DUSP11: variants seen among roughly 807,000 people sequenced by gnomAD.
DUSP11 encodes dual specificity phosphatase 11.
Under a neutral mutation model 41.4 loss-of-function variants are expected in DUSP11, and 27 were observed. The ratio of observed to expected loss-of-function variants is 0.65; its 90% CI spans 0.48 to 0.90. The LOEUF is 0.90. Among genes scored for constraint, DUSP11 ranks in the 40% least tolerant of loss-of-function variants. The pLI, the probability that DUSP11 is intolerant of heterozygous loss-of-function variation, is 0.00. For synonymous variants in DUSP11, 188 were observed against 159.3 expected, an observed-to-expected ratio of 1.18 and a Z score of -1.35; for missense variants, 465 against 461.1, an observed-to-expected ratio of 1.01 and a Z score of -0.08.
intron 8 of DUSP11, among the ~76,000 whole-genome samples, chr2:73,764,141 C>T (rs1246856542): frequency 2.0e-5 from 3 of 152,108 alleles, no homozygotes; most frequent in East Asian, 1.9e-4. Flanking sequence ...TGAAGTATTT[C>T]CTTAAGTCTC....
At chr2:73,764,442 T>C (rs1477597899) in intron 8 of DUSP11, among the ~76,000 whole-genome samples, 1 of 152,118 alleles carries the variant, frequency 6.6e-6, no homozygotes, top group Admixed American at 6.5e-5. Flanking sequence ...AAAATGGCAA[T>C]GTATTTTTGA....
chr2:73,777,735 T>C (rs1672712127), intron 2 of DUSP11, among the ~76,000 whole-genome samples: 1 of 152,218 alleles, frequency 6.6e-6, no homozygotes, highest in South Asian at 2.1e-4. Flanking sequence ...CTTTTGGATG[T>C]CCTATTCAAG....
intron 4 of DUSP11, among the ~76,000 whole-genome samples, chr2:73,770,255 C>A (rs1472687068): frequency 6.6e-6 from 1 of 151,614 alleles, no homozygotes; most frequent in African/African-American, 2.4e-5. Flanking sequence ...TGGCTCACGC[C>A]TGTAATCCCA....
chr2:73,768,508 A>G (rs1346707865), intron 5 of DUSP11: 1 of 985,280 alleles, frequency 1.0e-6, no homozygotes, highest in East Asian at 1.1e-4. Flanking sequence ...TTTGATTAAG[A>G]AATTCTATTT....
At chr2:73,776,500 A>G (rs1016193241) in intron 2 of DUSP11, among the ~76,000 whole-genome samples, 16 of 151,800 alleles carry the variant, frequency 1.1e-4, no homozygotes, top group African/African-American at 3.6e-4. Context: ...TAGTTCCCAC[A>G]TGTACTTTGC....
chr2:73,773,854 T>C (rs772675501), exon 4 of DUSP11: 29 of 1,606,748 alleles, frequency 1.8e-5, no homozygotes, highest in Admixed American at 1.2e-4. Flanking sequence ...AATTTAAAAA[T>C]AGTCTCATCA....
exon 1 of DUSP11, chr2:73,780,087 C>A: frequency 1.3e-6 from 2 of 1,577,536 alleles, no homozygotes; most frequent in Non-Finnish European, 1.7e-6. Context: ...GCCACCTACG[C>A]CGCGCTCCAG....
chr2:73,776,707 G>C (rs574912150), intron 2 of DUSP11, among the ~76,000 whole-genome samples: 1 of 152,194 alleles, frequency 6.6e-6, no homozygotes, highest in Admixed American at 6.5e-5. Flanking sequence ...ATGAGAGAAA[G>C]AACTAAGTTC....
At chr2:73,769,395 G>T in intron 4 of DUSP11, 70 bp from the exon 5 acceptor site, 1 of 1,091,238 alleles carries the variant, frequency 9.2e-7, no homozygotes, top group Non-Finnish European at 1.4e-6. Context: ...TCACTGCCCT[G>T]AAAATGAATA....
intron 5 of DUSP11, 104 bp from the exon 6 acceptor site, chr2:73,767,311 C>G (rs1269909495): frequency 4.7e-6 from 4 of 843,630 alleles, no homozygotes; most frequent in Non-Finnish European, 5.9e-6. Flanking sequence ...TATAAAAATC[C>G]TAAGAAAATA....
chr2:73,762,799 A>G (rs61485894), exon 9 of DUSP11: 1 of 1,611,986 alleles, frequency 6.2e-7, no homozygotes, highest in Non-Finnish European at 8.5e-7. Flanking sequence ...AGTCCTCTCC[A>G]GGGGGACCAG....
At chr2:73,772,321 C>T (rs1672598280) in intron 4 of DUSP11, among the ~76,000 whole-genome samples, 1 of 152,142 alleles carries the variant, frequency 6.6e-6, no homozygotes, top group Non-Finnish European at 1.5e-5. Flanking sequence ...GTAGTGTCCT[C>T]TTTTTATCAG....
chr2:73,778,592 A>C (rs1458330830), intron 1 of DUSP11, among the ~76,000 whole-genome samples: 1 of 152,152 alleles, frequency 6.6e-6, no homozygotes, highest in Non-Finnish European at 1.5e-5. Flanking sequence ...ACAAGCCAAC[A>C]CAACAGTACA....
intron 4 of DUSP11, 32 bp from the exon 5 acceptor site, chr2:73,769,357 G>A (rs769437066): frequency 9.6e-6 from 14 of 1,464,724 alleles, no homozygotes; most frequent in Non-Finnish European, 1.2e-5. Context: ...TTAAGTAACT[G>A]AAGTAGATAC....
At chr2:73,772,196 G>A (rs764008394) in intron 4 of DUSP11, among the ~76,000 whole-genome samples, 20 of 152,168 alleles carry the variant, frequency 1.3e-4, no homozygotes, top group Non-Finnish European at 2.4e-4. Context: ...AAAAAACAAA[G>A]ACTGCTATCA....
chr2:73,775,422 A>G (rs1224196162), intron 2 of DUSP11, among the ~76,000 whole-genome samples: 3 of 140,632 alleles, frequency 2.1e-5, no homozygotes, highest in East Asian at 2.1e-4. Flanking sequence ...TCCGTCATCC[A>G]GGCTGGAGTG....
intron 3 of DUSP11, 132 bp from the exon 4 acceptor site, chr2:73,774,055 T>C: frequency 1.4e-6 from 1 of 694,886 alleles, no homozygotes. Context: ...TATACACAAT[T>C]CTGATAAAAG....
intron 4 of DUSP11, among the ~76,000 whole-genome samples, chr2:73,770,264 C>T (rs1190303984): frequency 1.3e-5 from 2 of 151,802 alleles, no homozygotes; most frequent in Admixed American, 6.6e-5. Flanking sequence ...CCTGTAATCC[C>T]AGCCCTTTGG....
At chr2:73,776,988 C>A (rs1348423720) in intron 2 of DUSP11, among the ~76,000 whole-genome samples, 4 of 152,108 alleles carry the variant, frequency 2.6e-5, no homozygotes, top group African/African-American at 9.7e-5. Flanking sequence ...GTCTCCAACA[C>A]CTTCTTTTTG....
Sources: allele counts gnomAD v4.1 joint callset (sites outside exome capture counted in the v4.1 genomes callset), GRCh38; gene constraint gnomAD v4.1.1; transcripts MANE v1.5; gene names NCBI Gene and HGNC (gene_info 2026-07-23, HGNC 2026-07-21).